Variants in ZNF423 observed in about 807,000 individuals in gnomAD.
The protein encoded by ZNF423 is Ebf-associated zinc finger protein.
In ZNF423, 12 loss-of-function variants were observed where a neutral mutation model predicts 95.8. The ratio of observed to expected loss-of-function variants is 0.13; its 90% CI spans 0.08 to 0.20. The LOEUF is 0.20. Ranked by LOEUF, ZNF423 falls within the 10% of genes least tolerant of loss-of-function variation. The pLI is 1.00. For missense variants in ZNF423, 1,316 were observed against 1,737.1 expected (o/e 0.76, Z 4.31); for synonymous variants, 749 against 711.9 (o/e 1.05, Z -0.83).
At chr16:49,514,924 T>C (rs1267609188) in intron 7 of ZNF423, among the ~76,000 whole-genome samples, 2 of 152,236 alleles carry the variant, frequency 1.3e-5, no homozygotes, top group Admixed American at 6.5e-5. Context: ...TGACATGCCC[T>C]GGCAGGCAGT....
At chr16:49,497,401 C>T (rs573464867) in intron 7 of ZNF423, among the ~76,000 whole-genome samples, 1 of 152,172 alleles carries the variant, frequency 6.6e-6, no homozygotes, top group Non-Finnish European at 1.5e-5. Context: ...ACTCATAGAC[C>T]CTGAAGACCA....
At chr16:49,763,719 C>A (rs780838676) in intron 2 of ZNF423, among the ~76,000 whole-genome samples, 4 of 152,124 alleles carry the variant, frequency 2.6e-5, no homozygotes, top group Non-Finnish European at 4.4e-5. Flanking sequence ...GGGGTGGCAA[C>A]TGGTTGTTCA....
intron 5 of ZNF423, among the ~76,000 whole-genome samples, chr16:49,584,869 C>T (rs76430189): frequency 0.01 from 1,582 of 152,206 alleles, 17 homozygotes; most frequent in Middle Eastern, 0.031. Context: ...TAGAATGCAC[C>T]GGGAACATAA....
chr16:49,591,208 C>T (rs1971001752), intron 5 of ZNF423, among the ~76,000 whole-genome samples: 1 of 152,086 alleles, frequency 6.6e-6, no homozygotes, highest in Non-Finnish European at 1.5e-5. Context: ...AGCATTGTAA[C>T]TCCACTGGAA....
chr16:49,750,141 C>T (rs1194260090), intron 2 of ZNF423, among the ~76,000 whole-genome samples: 5 of 152,208 alleles, frequency 3.3e-5, no homozygotes, highest in African/African-American at 9.6e-5. Context: ...CGGGGTGAGT[C>T]ACATCGGGGC....
chr16:49,746,821 C>T (rs2033534527), intron 2 of ZNF423, among the ~76,000 whole-genome samples: 1 of 152,174 alleles, frequency 6.6e-6, no homozygotes, highest in Admixed American at 6.5e-5. Flanking sequence ...AAAAGAACTA[C>T]TTCCTCCTAA....
intron 7 of ZNF423, among the ~76,000 whole-genome samples, chr16:49,516,351 C>T (rs1248771133): frequency 6.6e-6 from 1 of 152,224 alleles, no homozygotes; most frequent in African/African-American, 2.4e-5. Flanking sequence ...GAGGGAATCC[C>T]CAAAGCCATC....
chr16:49,784,251 C>T (rs1597005185), intron 2 of ZNF423, among the ~76,000 whole-genome samples: 1 of 151,960 alleles, frequency 6.6e-6, no homozygotes, highest in Admixed American at 6.6e-5. Context: ...AAAACTTGTA[C>T]ATTGCCAGGT....
Position 49,704,431 on chromosome 16 carries a change from G to A in ZNF423, c.301+26340C>T, listed in dbSNP as rs1030341699. ...TGACCAACTTGTCCCAATTTGTCTA[G>A]GACTTCCCCAATTTTAGAACTGAAA... On this transcript the variant is annotated intron_variant, in intron 3 of 7. Transcript: ENST00000563137. Among the ~76,000 whole-genome samples the A allele has an allele frequency of 3.3e-5, 5 of 152,054 alleles. No homozygotes were observed. The South Asian group carries it at 1.0e-3, about 32-fold the overall frequency.
chr16:49,802,353 C>T (rs1158517976), intron 1 of ZNF423, among the ~76,000 whole-genome samples: 2 of 152,194 alleles, frequency 1.3e-5, no homozygotes, highest in Non-Finnish European at 2.9e-5. Context: ...TCTCTTGGGT[C>T]TCCCTAAGCA....
chr16:49,808,753 C>G (rs1411162352), intron 1 of ZNF423, among the ~76,000 whole-genome samples: 1 of 152,174 alleles, frequency 6.6e-6, no homozygotes, highest in Non-Finnish European at 1.5e-5. Flanking sequence ...GGGCCGTTAG[C>G]AGAGGGGTGG....
At chr16:49,850,280 G>A (rs1408937776) in intron 1 of ZNF423, among the ~76,000 whole-genome samples, 2 of 152,166 alleles carry the variant, frequency 1.3e-5, no homozygotes, top group Non-Finnish European at 2.9e-5. Context: ...CAAGCGGGAT[G>A]TAACCAATCC....
intron 3 of ZNF423, among the ~76,000 whole-genome samples, chr16:49,691,624 CAGGAGGCTG>C (rs1342705299): frequency 2.0e-5 from 3 of 151,978 alleles, no homozygotes; most frequent in Admixed American, 6.5e-5. Flanking sequence ...CCCAGCTACT[CAGGAGGCTG>C]AGGCAGGAGA....
chr16:49,842,447 A>AGGCT (rs1175568058), intron 1 of ZNF423, among the ~76,000 whole-genome samples: 1,696 of 143,798 alleles, frequency 0.012, 29 homozygotes, highest in Middle Eastern at 0.041. Flanking sequence ...GCAGGCAGGC[A>AGGCT]GGCCCATAAA....
At position 49,800,605 on chromosome 16, in the gene ZNF423, C is replaced by T. The variant is rs957148095; in HGVS notation, c.41-11059G>A. Among the ~76,000 whole-genome samples, 8 of 152,234 alleles carry T rather than the reference C, an allele frequency of 5.3e-5. No homozygotes were observed. The South Asian group carries it at 6.2e-4, about 12-fold the overall frequency. On this transcript the variant is annotated intron_variant, in intron 1 of 7. Coordinates refer to ENST00000563137, the MANE Select transcript of ZNF423 (RefSeq NM_001379286.1). ...ACACACACACACACACACACTCCTG[C>T]GCACACACTTGAGGATGTGCCCAAT... is the stretch of plus-strand genomic sequence containing the variant.
intron 5 of ZNF423, among the ~76,000 whole-genome samples, chr16:49,593,942 C>T (rs2151820845): frequency 6.6e-6 from 1 of 152,240 alleles, no homozygotes; most frequent in Non-Finnish European, 1.5e-5. Flanking sequence ...CCATGGAACC[C>T]GCAGGTTCCC....
At chr16:49,699,101 T>A (rs1309367386) in intron 3 of ZNF423, among the ~76,000 whole-genome samples, 3 of 152,212 alleles carry the variant, frequency 2.0e-5, no homozygotes, top group Non-Finnish European at 4.4e-5. Context: ...AATCACCTCC[T>A]CTGCCAAGGA....
At chr16:49,856,375 G>A (rs967299308), upstream of ZNF423, among the ~76,000 whole-genome samples, 1 of 148,964 alleles carries the variant, frequency 6.7e-6, no homozygotes, top group African/African-American at 2.5e-5. Context: ...GTATCTCAAG[G>A]GGGGAGGAGA....
chr16:49,679,219 A>G (rs957558219), intron 3 of ZNF423, among the ~76,000 whole-genome samples: 3 of 152,238 alleles, frequency 2.0e-5, no homozygotes, highest in African/African-American at 4.8e-5. Context: ...GTCTGGAGCG[A>G]CCGCTGCAAA....
Sources: allele counts gnomAD v4.1 joint callset (sites outside exome capture counted in the v4.1 genomes callset), GRCh38; gene constraint gnomAD v4.1.1; transcripts MANE v1.5; gene names NCBI Gene and HGNC (gene_info 2026-07-23, HGNC 2026-07-21).